TSPAN9: variants seen among roughly 807,000 people sequenced by gnomAD.
The protein encoded by TSPAN9 is tetraspanin 9.
In TSPAN9, 16 loss-of-function variants were observed where a neutral mutation model predicts 31.0. That is an observed-to-expected ratio of 0.52 (90% CI 0.35 to 0.78). The LOEUF (loss-of-function observed/expected upper bound fraction) is 0.78, where lower values mean the gene tolerates loss of function less well. Among genes scored for constraint, TSPAN9 ranks in the 30% least tolerant of loss-of-function variants. The pLI is 0.01. For synonymous variants in TSPAN9, 145 were observed against 121.6 expected (o/e 1.19, Z -1.27); for missense variants, 272 against 312.5 (o/e 0.87, Z 0.98).
chr12:3,133,428 C>T (rs1315833978), intron 2 of TSPAN9, among the ~76,000 whole-genome samples: 1 of 151,922 alleles, frequency 6.6e-6, no homozygotes. Flanking sequence ...ATAAAAGTAT[C>T]AGTAAAATGT....
Position 3,285,203 on chromosome 12 carries a change from A to G in TSPAN9, c.*2087A>G, listed in dbSNP as rs373813026. ...CCGGAGCAGACACATCCGGGCGGAG[A>G]GACTCAGCAGACAAGTGCTGCAGTT... On this transcript the variant is annotated 3_prime_UTR_variant, in exon 9 of 9. Coordinates refer to ENST00000011898, the MANE Select transcript of TSPAN9 (RefSeq NM_006675.5). 4.5e-5 allele frequency: 6 copies of G among 134,516 alleles called. No homozygotes were observed. In the East Asian group the frequency reaches 9.8e-4, roughly 22 times the overall value. 8.3% of individuals were successfully genotyped at this position (134,516 alleles called of 1,614,324 possible).
At chr12:3,201,673 A>G (rs1298115870) in intron 3 of TSPAN9, among the ~76,000 whole-genome samples, 2 of 152,194 alleles carry the variant, frequency 1.3e-5, no homozygotes, top group African/African-American at 4.8e-5. Context: ...TTCTTCTTGT[A>G]TTCCTCCTGA....
At chr12:3,090,433 C>G (rs944749952) in intron 2 of TSPAN9, among the ~76,000 whole-genome samples, 10 of 151,876 alleles carry the variant, frequency 6.6e-5, no homozygotes, top group African/African-American at 2.4e-4. Flanking sequence ...CTGGACAGCT[C>G]AAGGAAGCTT....
At chr12:3,199,812 C>T (rs2098370198) in intron 2 of TSPAN9, among the ~76,000 whole-genome samples, 1 of 152,214 alleles carries the variant, frequency 6.6e-6, no homozygotes, top group Non-Finnish European at 1.5e-5. Context: ...CGCCTCCCTG[C>T]GGTCCCTTCT....
chr12:3,092,377 G>A (rs547018273), intron 2 of TSPAN9, among the ~76,000 whole-genome samples: 4 of 152,298 alleles, frequency 2.6e-5, no homozygotes, highest in South Asian at 2.1e-4. Flanking sequence ...CAGGTGCTCC[G>A]TGTGATAAGA....
chr12:3,241,106 G>C (rs1354006791), intron 3 of TSPAN9, among the ~76,000 whole-genome samples: 1 of 152,166 alleles, frequency 6.6e-6, no homozygotes, highest in East Asian at 1.9e-4. Context: ...TCATCCTCTG[G>C]CCCGTAACTG....
At chr12:3,166,396 G>A (rs151023545) in intron 2 of TSPAN9, among the ~76,000 whole-genome samples, 87 of 152,310 alleles carry the variant, frequency 5.7e-4, no homozygotes, top group African/African-American at 2.0e-3. Flanking sequence ...TAGGATGAAA[G>A]CATCATACTA....
chr12:3,119,963 G>T (rs1246086918), intron 2 of TSPAN9, among the ~76,000 whole-genome samples: 1 of 152,156 alleles, frequency 6.6e-6, no homozygotes, highest in African/African-American at 2.4e-5. Context: ...ACGTCACTCT[G>T]CTTTCTGGGC....
chr12:3,216,303 T>A (rs7312073), intron 3 of TSPAN9, among the ~76,000 whole-genome samples: 21,071 of 152,110 alleles, frequency 0.14, 1,805 homozygotes, highest in African/African-American at 0.24. Context: ...TGCTGGGACC[T>A]TCCAGATGTG....
chr12:3,205,386 C>G (rs2098374493), intron 3 of TSPAN9, among the ~76,000 whole-genome samples: 1 of 152,226 alleles, frequency 6.6e-6, no homozygotes, highest in East Asian at 1.9e-4. Flanking sequence ...CCTGATTAAA[C>G]TCCCTTAAGT....
At chr12:3,216,339 C>T (rs890999891) in intron 3 of TSPAN9, among the ~76,000 whole-genome samples, 5 of 152,188 alleles carry the variant, frequency 3.3e-5, no homozygotes, top group Admixed American at 2.6e-4. Flanking sequence ...GGTGCTCATT[C>T]GTGCCCACAT....
At chr12:3,127,709 G>C (rs1428233525) in intron 2 of TSPAN9, among the ~76,000 whole-genome samples, 1 of 152,144 alleles carries the variant, frequency 6.6e-6, no homozygotes, top group Non-Finnish European at 1.5e-5. Flanking sequence ...TAAAAGTATA[G>C]TATAGCAAAT....
Position 3,280,283 on chromosome 12 carries a change from C to A in TSPAN9, c.331-99C>A. 1 of 1,091,766 alleles carries A rather than the reference C, an allele frequency of 9.2e-7. No individual in the cohort carries two copies. The highest frequency in any genetic ancestry group is 1.3e-5 in the South Asian group (1 of 74,556). 67.6% of individuals were successfully genotyped at this position (1,091,766 alleles called of 1,614,324 possible). On this transcript the variant is annotated intron_variant, in intron 5 of 8. Coordinates refer to ENST00000011898, the MANE Select transcript of TSPAN9 (RefSeq NM_006675.5). The surrounding 1 kb of genome is among the most constrained non-coding windows in gnomAD (Gnocchi z 4.5). ...AGCTGCCTTCCCTGCCTTCCTCACT[C>A]CTCATCTGTCACCCACCATCCTGGG...
intron 2 of TSPAN9, among the ~76,000 whole-genome samples, chr12:3,089,008 G>A (rs977947472): frequency 1.3e-5 from 2 of 151,898 alleles, no homozygotes; most frequent in African/African-American, 2.4e-5. Context: ...CGATGCAGGC[G>A]GATCACGAGG....
At position 3,122,258 on chromosome 12, in the gene TSPAN9, C is replaced by T. The variant is rs528684718; in HGVS notation, c.-18+38539C>T. 4.7e-5 allele frequency among the ~76,000 whole-genome samples: 7 copies of T among 149,700 alleles called. No individual in the cohort carries two copies. In the South Asian group the frequency reaches 1.1e-3, roughly 23 times the overall value. ...CTGAGGCAGGAGAATGGCGTGAACC[C>T]GGGAGGTGGAGCTTGCAGTGAGCCT... is the stretch of plus-strand genomic sequence containing the variant. On this transcript the variant is annotated intron_variant, in intron 2 of 8. Transcript: ENST00000011898.
At chr12:3,109,143 A>C (rs11611348) in intron 2 of TSPAN9, among the ~76,000 whole-genome samples, 84,727 of 151,388 alleles carry the variant, frequency 0.56, 24,657 homozygotes, top group East Asian at 0.67. Context: ...TCACCGTGTT[A>C]GCCAGGATGG....
intron 2 of TSPAN9, among the ~76,000 whole-genome samples, chr12:3,094,591 CA>C (rs2098306863): frequency 6.7e-6 from 1 of 149,518 alleles, no homozygotes; most frequent in African/African-American, 2.5e-5. Context: ...GGCTGCAGTG[CA>C]GTGGTGCAGT....
chr12:3,277,682 C>T (rs1274011273), intron 3 of TSPAN9, among the ~76,000 whole-genome samples: 1 of 152,178 alleles, frequency 6.6e-6, no homozygotes, highest in Non-Finnish European at 1.5e-5. Context: ...GAAGCTTCCC[C>T]AGGTGGAGCT....
chr12:3,190,189 C>A (rs1353559321), intron 2 of TSPAN9, among the ~76,000 whole-genome samples: 1 of 152,212 alleles, frequency 6.6e-6, no homozygotes, highest in South Asian at 2.1e-4. Context: ...GCAGAAGGGT[C>A]CCAGCTGCAC....
Sources: gnomAD v4.1 joint callset for allele counts (sites outside exome capture counted in the v4.1 genomes callset) on GRCh38, gnomAD v4.1.1 for gene constraint, Gnocchi (gnomAD v3.1) non-coding constraint, MANE v1.5 for transcripts, NCBI Gene and HGNC (gene_info 2026-07-23, HGNC 2026-07-21) for gene names.